The following FOXP1 variants were observed in gnomAD, a reference collection of about 807,000 sequenced individuals.
FOXP1 encodes the protein forkhead box protein P1.
A neutral mutation model predicts 98.2 loss-of-function variants in FOXP1; 15 were observed. The observed-to-expected ratio is 0.15, with a 90% CI of 0.10 to 0.24. FOXP1 has a LOEUF of 0.24. Among genes scored for constraint, FOXP1 ranks in the 10% least tolerant of loss-of-function variants. The pLI is 1.00. For missense variants in FOXP1, 633 were observed against 848.5 expected (o/e 0.75, Z 3.15); for synonymous variants, 371 against 314.5 (o/e 1.18, Z -1.90).
At chr3:71,137,692 T>C (rs962868258) in intron 6 of FOXP1, among the ~76,000 whole-genome samples, 2 of 152,132 alleles carry the variant, frequency 1.3e-5, no homozygotes, top group Non-Finnish European at 2.9e-5. Context: ...ATCATGTTTG[T>C]CAACAATTCG....
chr3:71,431,401 T>A (rs1307539610), intron 3 of FOXP1, among the ~76,000 whole-genome samples: 1 of 152,198 alleles, frequency 6.6e-6, no homozygotes, highest in East Asian at 1.9e-4. Flanking sequence ...TGAATACTCC[T>A]AATAAGAGCT....
At chr3:71,478,212 A>G (rs752040954) in intron 3 of FOXP1, among the ~76,000 whole-genome samples, 25 of 152,214 alleles carry the variant, frequency 1.6e-4, no homozygotes, top group Non-Finnish European at 3.2e-4. Context: ...GACCTCTAGA[A>G]AAGTCCTCTG....
rs1227770777 is a variant in FOXP1, at chr3:71,582,589, T to A, written c.-446-892A>T. Reference sequence around the variant, plus strand: ...AGGACAAATCGGAGCTTGGGAAATCTCCCCGTCCCCCAAGCTTCAGAGGGG... The same window carrying A: ...AGGACAAATCGGAGCTTGGGAAATCACCCCGTCCCCCAAGCTTCAGAGGGG... On this transcript the variant is annotated intron_variant, in intron 1 of 20. Coordinates refer to ENST00000649528, the MANE Select transcript of FOXP1 (RefSeq NM_001349338.3). 6.1e-6 allele frequency: 6 copies of A among 985,232 alleles called. No individual in the cohort carries two copies. The East Asian group carries it at 5.7e-4, about 93-fold the overall frequency. The allele number at this position is 985,232 out of a possible 1,614,324, so 61.0% of individuals were successfully genotyped here.
intron 2 of FOXP1, among the ~76,000 whole-genome samples, chr3:71,497,681 C>T (rs2091510728): frequency 1.3e-5 from 2 of 152,190 alleles, no homozygotes; most frequent in Non-Finnish European, 2.9e-5. Flanking sequence ...CTGAAGAACA[C>T]TGCATTGCTC....
At chr3:71,093,356 T>C (rs1287615598) in intron 7 of FOXP1, among the ~76,000 whole-genome samples, 2 of 150,628 alleles carry the variant, frequency 1.3e-5, no homozygotes, top group Non-Finnish European at 3.0e-5. Context: ...GGAAATGTTC[T>C]ATATCTGCAT....
intron 3 of FOXP1, among the ~76,000 whole-genome samples, chr3:71,464,996 T>C (rs573514578): frequency 1.3e-5 from 2 of 152,124 alleles, no homozygotes; most frequent in Admixed American, 6.5e-5. Flanking sequence ...CAGTGAGCTA[T>C]TGTAAGCACT....
chr3:71,398,154 G>A (rs151080526), intron 3 of FOXP1, among the ~76,000 whole-genome samples: 1 of 152,300 alleles, frequency 6.6e-6, no homozygotes, highest in African/African-American at 2.4e-5. Context: ...CTTTGTGTGT[G>A]CAAATAATGC....
At chr3:71,321,582 A>AAGTAACTG (rs2075393855) in intron 4 of FOXP1, among the ~76,000 whole-genome samples, 1 of 152,152 alleles carries the variant, frequency 6.6e-6, no homozygotes, top group African/African-American at 2.4e-5. Flanking sequence ...AATGTAATTA[A>AAGTAACTG]AGTAACTGGC....
At chr3:71,328,907 G>T (rs1184418262) in intron 4 of FOXP1, among the ~76,000 whole-genome samples, 1 of 142,770 alleles carries the variant, frequency 7.0e-6, no homozygotes, top group Non-Finnish European at 1.5e-5. Context: ...GGAGGCGAAG[G>T]TTGTGGTGAG....
rs71104433 is a variant in FOXP1 at position 71,262,264 on chromosome 3, C to CAAAAAAAAAAAAAAAAAAAAAAAA, written c.-12+37532_-12+37555dup. 1.2e-4 allele frequency among the ~76,000 whole-genome samples: 3 copies of CAAAAAAAAAAAAAAAAAAAAAAAA among 25,700 alleles called. 1 individual carries two copies. The highest frequency in any genetic ancestry group is 2.7e-4 in the African/African-American group (2 of 7,408). 16.9% of individuals were successfully genotyped at this position (25,700 alleles called of 152,430 possible). Reference sequence around the variant, plus strand: ...CTGGCAACAGGACAAGACTCTGTCACAAAAAAAAAAAAAAAAAAAAAAAAA... The same window carrying CAAAAAAAAAAAAAAAAAAAAAAAA: ...CTGGCAACAGGACAAGACTCTGTCACAAAAAAAAAAAAAAAAAAAAAAAAAAAAAAAAAAAAAAAAAAAAAAAAA... On this transcript the variant is annotated intron_variant, in intron 5 of 20. Transcript: ENST00000649528.
chr3:70,978,119 G>A lies in FOXP1; in HGVS notation c.1147-90C>T, dbSNP rs145720840. 1,290 of 1,027,102 alleles carry A rather than the reference G, an allele frequency of 1.3e-3. 15 individuals carry two copies. In the African/African-American group the frequency reaches 0.018, roughly 14 times the overall value. 63.6% of individuals were successfully genotyped at this position (1,027,102 alleles called of 1,614,324 possible). On this transcript the variant is annotated intron_variant, in intron 14 of 20. Transcript: ENST00000649528. ...CTAGCAGGAGTAACACAGAGGATGC[G>A]TGGGCACCGTTTCTTCCTCTATGTA...
intron 2 of FOXP1, among the ~76,000 whole-genome samples, chr3:71,556,103 T>C (rs1486191231): frequency 6.6e-6 from 1 of 152,106 alleles, no homozygotes; most frequent in South Asian, 2.1e-4. Flanking sequence ...GTAATATGTA[T>C]TAAAGTCTAT....
chr3:71,339,722 A>C (rs1397098689), intron 4 of FOXP1, among the ~76,000 whole-genome samples: 1 of 152,222 alleles, frequency 6.6e-6, no homozygotes, highest in Admixed American at 6.5e-5. Flanking sequence ...AAGAATAGTT[A>C]GCTGACGGCT....
At chr3:71,208,902 A>C (rs116084647) in intron 5 of FOXP1, among the ~76,000 whole-genome samples, 86 of 152,310 alleles carry the variant, frequency 5.6e-4, no homozygotes, top group Non-Finnish European at 1.1e-3. Context: ...AGAGAGGCAG[A>C]AAGGTTGTAT....
At chr3:71,030,932 C>T (rs2046786430) in intron 11 of FOXP1, among the ~76,000 whole-genome samples, 2 of 152,130 alleles carry the variant, frequency 1.3e-5, no homozygotes, top group African/African-American at 4.8e-5. Flanking sequence ...ATATGTACCA[C>T]AATGTTTCTA....
In FOXP1 at chr3:71,580,278, CT is replaced by C. The variant is rs1369272065; in HGVS notation, c.-298+1270del. Among the ~76,000 whole-genome samples the C allele has an allele frequency of 2.4e-3, 357 of 149,836 alleles. 1 individual carries two copies. Among genetic ancestry groups the C allele is most frequent in the African/African-American group, 8.5e-3 (349 of 40,878 alleles). On this transcript the variant is annotated intron_variant, in intron 2 of 20. Transcript: ENST00000649528. The stretch of plus-strand genomic sequence containing the variant: ...TGCAGCCAGTGGCAAGATGTTAAAC[CT>C]TTTTTTTTCCCTTTGCAGTGAGATT...
At chr3:71,237,285 A>G (rs1279871816) in intron 5 of FOXP1, among the ~76,000 whole-genome samples, 1 of 149,672 alleles carries the variant, frequency 6.7e-6, no homozygotes, top group East Asian at 2.0e-4. Flanking sequence ...TACTTAATAT[A>G]TCCAAAATGT....
chr3:71,315,561 C>G (rs996823400), intron 4 of FOXP1, among the ~76,000 whole-genome samples: 12 of 152,144 alleles, frequency 7.9e-5, no homozygotes, highest in African/African-American at 2.9e-4. Flanking sequence ...TGAGAGAGAA[C>G]AGCAAATATC....
At chr3:71,221,801 C>T (rs893815601) in intron 5 of FOXP1, among the ~76,000 whole-genome samples, 3 of 152,196 alleles carry the variant, frequency 2.0e-5, no homozygotes, top group Non-Finnish European at 2.9e-5. Context: ...TACAACTCTG[C>T]GTTGCAGACT....
Sources: allele counts gnomAD v4.1 joint callset (sites outside exome capture counted in the v4.1 genomes callset), GRCh38; gene constraint gnomAD v4.1.1; transcripts MANE v1.5; gene names NCBI Gene and HGNC (gene_info 2026-07-23, HGNC 2026-07-21).